Variants in TMEM178B observed in about 807,000 individuals in gnomAD.
TMEM178B encodes the protein transmembrane protein 178B.
TMEM178B carries 5 observed loss-of-function variants against 31.0 expected under a neutral mutation model. The ratio of observed to expected loss-of-function variants is 0.16; its 90% CI spans 0.08 to 0.34. The LOEUF is 0.34. Ranked by LOEUF, TMEM178B falls within the 10% of genes least tolerant of loss-of-function variation. The pLI is 1.00. For synonymous variants in TMEM178B, 164 were observed against 164.0 expected (o/e 1.00, Z 0.00); for missense variants, 275 against 400.3 (o/e 0.69, Z 2.67).
intron 1 of TMEM178B, among the ~76,000 whole-genome samples, chr7:141,189,040 G>T (rs1279583567): frequency 6.6e-5 from 10 of 152,360 alleles, no homozygotes; most frequent in African/African-American, 2.4e-4. Flanking sequence ...ACAGAGTGGT[G>T]GAGCCAGTGT....
At chr7:141,509,223 T>A in the TMEM178B span, among the ~76,000 whole-genome samples, 5 of 152,048 alleles carry the variant, frequency 3.3e-5, no homozygotes, top group African/African-American at 1.2e-4. Flanking sequence ...AATATGAAGA[T>A]ACATGGTAAA....
At chr7:141,337,158 T>C (rs62638832) in intron 2 of TMEM178B, among the ~76,000 whole-genome samples, 376 of 1,234 alleles carry the variant, frequency 0.3, 1 homozygote, top group Admixed American at 0.32. Flanking sequence ...ACCACCACCA[T>C]CACCACCACC....
At chr7:141,235,606 T>C (rs960309653) in intron 2 of TMEM178B, among the ~76,000 whole-genome samples, 3 of 152,248 alleles carry the variant, frequency 2.0e-5, no homozygotes, top group African/African-American at 7.2e-5. Context: ...AAAGGTATTA[T>C]GGGCTTTTAT....
chr7:141,450,583 CA>C (rs1801845023), intron 3 of TMEM178B, among the ~76,000 whole-genome samples: 1 of 152,044 alleles, frequency 6.6e-6, no homozygotes, highest in South Asian at 2.1e-4. Flanking sequence ...TGTGGTCACC[CA>C]AAAAGGGGGG....
intron 3 of TMEM178B, among the ~76,000 whole-genome samples, chr7:141,455,601 T>C (rs896243903): frequency 1.3e-5 from 2 of 152,220 alleles, no homozygotes; most frequent in Admixed American, 6.5e-5. Context: ...TTATTTAACC[T>C]CTCTGTGCCT....
At chr7:141,283,816 T>G (rs1798402149) in intron 2 of TMEM178B, among the ~76,000 whole-genome samples, 1 of 152,188 alleles carries the variant, frequency 6.6e-6, no homozygotes, top group Admixed American at 6.5e-5. Flanking sequence ...CTGAAAAAAT[T>G]TCTAGTGCTA....
intron 3 of TMEM178B, among the ~76,000 whole-genome samples, chr7:141,457,630 T>C (rs1168180706): frequency 6.6e-6 from 1 of 152,190 alleles, no homozygotes; most frequent in African/African-American, 2.4e-5. Flanking sequence ...CTCACAGTCA[T>C]TTAATAAGAA....
At chr7:141,185,925 C>A (rs1796603140) in intron 1 of TMEM178B, among the ~76,000 whole-genome samples, 1 of 152,098 alleles carries the variant, frequency 6.6e-6, no homozygotes, top group African/African-American at 2.4e-5. Flanking sequence ...CAGAGCAGAT[C>A]TCTGTAGATG....
intron 1 of TMEM178B, among the ~76,000 whole-genome samples, chr7:141,093,554 A>T (rs1794912002): frequency 6.6e-6 from 1 of 152,184 alleles, no homozygotes; most frequent in South Asian, 2.1e-4. Context: ...TGGTACTGGA[A>T]GTTGTGAGAC....
intron 1 of TMEM178B, among the ~76,000 whole-genome samples, chr7:141,107,523 A>C (rs935339705): frequency 6.6e-6 from 1 of 152,116 alleles, no homozygotes; most frequent in Non-Finnish European, 1.5e-5. Context: ...TGATGGATTG[A>C]GTATGTAGAG....
chr7:141,339,976 G>T (rs1450157944), intron 2 of TMEM178B, among the ~76,000 whole-genome samples: 1 of 152,232 alleles, frequency 6.6e-6, no homozygotes, highest in Non-Finnish European at 1.5e-5. Flanking sequence ...GGCATGATTT[G>T]ATGAAAAAGG....
chr7:141,389,465 A>C (rs1800494895), intron 2 of TMEM178B, among the ~76,000 whole-genome samples: 1 of 152,262 alleles, frequency 6.6e-6, no homozygotes, highest in Non-Finnish European at 1.5e-5. Flanking sequence ...ACATCTGTAC[A>C]CAACATAGTA....
chr7:141,336,909 T>TCACCAC (rs777224721), intron 2 of TMEM178B, among the ~76,000 whole-genome samples: 3 of 46,698 alleles, frequency 6.4e-5, no homozygotes, highest in African/African-American at 9.5e-5. Context: ...ACCACCATCA[T>TCACCAC]CACCACCACC....
chr7:141,144,017 C>G (rs1424996646), intron 1 of TMEM178B, among the ~76,000 whole-genome samples: 1 of 152,078 alleles, frequency 6.6e-6, no homozygotes, highest in Non-Finnish European at 1.5e-5. Flanking sequence ...ATTTGGCTCT[C>G]AGCTTGAATG....
chr7:141,083,844 G>A (rs1235346014), intron 1 of TMEM178B, among the ~76,000 whole-genome samples: 1 of 151,544 alleles, frequency 6.6e-6, no homozygotes, highest in Non-Finnish European at 1.5e-5. Context: ...TTAGTGTGTG[G>A]AATACTTCGT....
At chr7:141,184,188 T>C (rs187602618) in intron 1 of TMEM178B, among the ~76,000 whole-genome samples, 1 of 152,380 alleles carries the variant, frequency 6.6e-6, no homozygotes, top group Non-Finnish European at 1.5e-5. Context: ...TGTAACATTC[T>C]GGAGGCCATA....
At chr7:141,505,270 C>G in the TMEM178B span, among the ~76,000 whole-genome samples, 1 of 152,242 alleles carries the variant, frequency 6.6e-6, no homozygotes, top group Admixed American at 6.5e-5. Flanking sequence ...TAAAAAGCAT[C>G]CACCACTGTC....
the TMEM178B span, among the ~76,000 whole-genome samples, chr7:141,492,677 C>G: frequency 1.3e-5 from 2 of 152,174 alleles, no homozygotes. Context: ...GTTCCTTCCA[C>G]CTTCGTTTCA....
the TMEM178B span, among the ~76,000 whole-genome samples, chr7:141,509,151 T>C: frequency 0.051 from 7,695 of 152,218 alleles, 280 homozygotes; most frequent in Non-Finnish European, 0.079. Flanking sequence ...CAATTGAGCA[T>C]GGGAGAGAGG....
Sources: gnomAD v4.1 joint callset for allele counts (sites outside exome capture counted in the v4.1 genomes callset) on GRCh38, gnomAD v4.1.1 for gene constraint, MANE v1.5 for transcripts, NCBI Gene and HGNC (gene_info 2026-07-23, HGNC 2026-07-21) for gene names.